Variants in RASA2 observed in about 807,000 individuals in gnomAD.
RASA2 encodes ras GTPase-activating protein 2.
Under a neutral mutation model 118.2 loss-of-function variants are expected in RASA2, and 155 were observed. The observed-to-expected ratio is 1.31, with a 90% CI of 1.15 to 1.50. The LOEUF (loss-of-function observed/expected upper bound fraction) is 1.50. Among genes scored for constraint, RASA2 ranks in the 40% most tolerant of loss-of-function variants. RASA2 has a pLI of 0.00. For synonymous variants in RASA2, 353 were observed against 349.1 expected, an observed-to-expected ratio of 1.01 and a Z score of -0.12; for missense variants, 1,016 against 1,009.6, an observed-to-expected ratio of 1.01 and a Z score of -0.09.
intron 1 of RASA2, among the ~76,000 whole-genome samples, chr3:141,491,867 T>C (rs2081643621): frequency 1.3e-5 from 2 of 152,254 alleles, no homozygotes; most frequent in Admixed American, 1.3e-4. Flanking sequence ...ACATGACAGG[T>C]TTGAATAAAA....
chr3:141,609,845 T>C, intron 22 of RASA2, 32 bp from the exon 23 acceptor site: 2 of 1,496,142 alleles, frequency 1.3e-6, no homozygotes, highest in Non-Finnish European at 1.8e-6. Flanking sequence ...TTTAGTTGTC[T>C]GATCAGAGAT....
chr3:141,554,671 A>C (rs147255830), intron 6 of RASA2, among the ~76,000 whole-genome samples: 1 of 152,236 alleles, frequency 6.6e-6, no homozygotes, highest in Non-Finnish European at 1.5e-5. Context: ...CCCCATCCCC[A>C]GAATCTCTAG....
intron 19 of RASA2, among the ~76,000 whole-genome samples, chr3:141,589,725 C>T (rs916214324): frequency 6.6e-6 from 1 of 151,962 alleles, no homozygotes; most frequent in African/African-American, 2.4e-5. Flanking sequence ...TCTGTAGTCC[C>T]AGCTACTTGG....
At chr3:141,545,620 G>T (rs953883800) in intron 5 of RASA2, among the ~76,000 whole-genome samples, 3 of 151,620 alleles carry the variant, frequency 2.0e-5, no homozygotes, top group African/African-American at 7.3e-5. Flanking sequence ...GCTAATTTTT[G>T]TATTTTTAGT....
rs1225162157 is a variant in RASA2 at position 141,614,368 on chromosome 3, G to C, written c.*2055G>C. Reference sequence around the variant, plus strand: ...GCACAGCCTAAAAAAGGAGTAATGTGAAATTAAATTATTTTTCTTTGAAAG... The same window carrying C: ...GCACAGCCTAAAAAAGGAGTAATGTCAAATTAAATTATTTTTCTTTGAAAG... On this transcript the variant is annotated 3_prime_UTR_variant, in exon 24 of 24. Transcript: ENST00000286364. 6.6e-6 allele frequency: 1 copy of C among 152,148 alleles called. No homozygotes were observed. Among genetic ancestry groups the C allele is most frequent in the Non-Finnish European group, 1.5e-5 (1 of 68,014 alleles). 9.4% of individuals were successfully genotyped at this position (152,148 alleles called of 1,614,324 possible). A position where few individuals can be genotyped will look rare whatever the true frequency, so the allele number is the denominator to read the frequency against.
intron 1 of RASA2, among the ~76,000 whole-genome samples, chr3:141,487,607 C>T (rs1283249881): frequency 6.6e-6 from 1 of 151,864 alleles, no homozygotes; most frequent in Non-Finnish European, 1.5e-5. Context: ...CTTCGCGCGG[C>T]TGCGGGCGCT....
Position 141,571,071 on chromosome 3 carries a change from A to G in RASA2, c.1020+3A>G, listed in dbSNP as rs1411175413. On this transcript the variant is annotated splice_donor_region_variant and intron_variant, in intron 10 of 23. Transcript: ENST00000286364. ...TGCTAAAATCACCAGATGTTCAAGTATGTTAAGAATCTTAAGGATATGATT... is the reference window on the plus strand; with the variant it reads ...TGCTAAAATCACCAGATGTTCAAGTGTGTTAAGAATCTTAAGGATATGATT... The G allele has an allele frequency of 1.3e-6, 2 of 1,593,304 alleles. No individual in the cohort carries two copies. The highest frequency in any genetic ancestry group is 1.4e-5 in the African/African-American group (1 of 73,486).
rs748529928 is a variant in RASA2 at position 141,609,993 on chromosome 3, A to G, written c.2446A>G (p.Ile816Val). The G allele has an allele frequency of 6.2e-7, 1 of 1,606,826 alleles. No individual in the cohort carries two copies. ...TAAGACAATTCAGCAAATAAAAAGC[A>G]TAATTGAGAAGCTGGATGAACCTCA... Reference protein sequence around the residue: ...TFKTIQQIKSIIEKLDEPHEK... With the variant: ...TFKTIQQIKSVIEKLDEPHEK... The change falls in exon 23 of 24, where the codon ATA becomes GTA. Residue 816 changes from isoleucine (I) to valine (V), a missense_variant. Ile to Val is a conservative substitution (Grantham distance 29). Coordinates refer to ENST00000286364, the MANE Select transcript of RASA2 (RefSeq NM_006506.5).
intron 19 of RASA2, among the ~76,000 whole-genome samples, chr3:141,606,111 G>A: frequency 6.6e-6 from 1 of 152,096 alleles, no homozygotes; most frequent in Middle Eastern, 3.2e-3. Context: ...GTATGTCTGA[G>A]TGCCCCCAAC....
chr3:141,536,582 GTTTA>G (rs1313433308), intron 4 of RASA2, among the ~76,000 whole-genome samples: 1 of 152,194 alleles, frequency 6.6e-6, no homozygotes, highest in Non-Finnish European at 1.5e-5. Context: ...CAAGAATTTG[GTTTA>G]TTTTTTATTA....
chr3:141,540,524 T>C lies in RASA2; in HGVS notation c.451-9T>C. 3 of 1,601,334 alleles carry C rather than the reference T, an allele frequency of 1.9e-6. No individual in the cohort carries two copies. The highest frequency in any genetic ancestry group is 2.6e-6 in the Non-Finnish European group (3 of 1,169,732). ...GACTACTCAGTTTGTAATCTTTTTG[T>C]CATTATAGGGTAAAGTTCACCTTGA... On this transcript the variant is annotated splice_polypyrimidine_tract_variant and intron_variant, in intron 4 of 23. Transcript: ENST00000286364.
At chr3:141,502,014 A>G (rs1361343640) in intron 1 of RASA2, among the ~76,000 whole-genome samples, 1 of 152,206 alleles carries the variant, frequency 6.6e-6, no homozygotes, top group African/African-American at 2.4e-5. Context: ...ATGCTCCAGG[A>G]TGCAAAACTG....
At position 141,613,389 on chromosome 3, in the gene RASA2, T is replaced by C. The variant is rs2083681452; in HGVS notation, c.*1076T>C. 1 of 152,240 alleles carries C rather than the reference T, an allele frequency of 6.6e-6. No homozygotes were observed. The highest frequency in any genetic ancestry group is 2.1e-4 in the South Asian group (1 of 4,830). The allele number at this position is 152,240 out of a possible 1,614,324, so 9.4% of individuals were successfully genotyped here. A position where few individuals can be genotyped will look rare whatever the true frequency, so the allele number is the denominator to read the frequency against. ...TCATTGCTGTTTCCTTATTGCCTGC[T>C]AGCCAAATGGAATTTGGGCAAGCAA... On this transcript the variant is annotated 3_prime_UTR_variant, in exon 24 of 24. Coordinates refer to ENST00000286364, the MANE Select transcript of RASA2 (RefSeq NM_006506.5).
At position 141,573,175 on chromosome 3, in the gene RASA2, T is replaced by C; in HGVS notation, c.1313T>C (p.Ile438Thr). ...TGTGACTCCTCAAAATCCTGTGAAA[T>C]CGATCCTATTAAATTGAAAGAGGGA... ...EICDSSKSCE[I>T]DPIKLKEGDN... Residue 438 changes from isoleucine (I) to threonine (T), a missense_variant, in exon 13 of 24, where the codon ATC becomes ACC. Ile to Thr is a moderately conservative substitution (Grantham distance 89, BLOSUM62 -1). Around this residue, in one of 2 missense-constraint regions of RASA2, gnomAD observed 896 missense variants for 836.4 expected, o/e 1.07. Coordinates refer to ENST00000286364, the MANE Select transcript of RASA2 (RefSeq NM_006506.5). 1 of 1,543,924 alleles carries C rather than the reference T, an allele frequency of 6.5e-7. No individual in the cohort carries two copies. The highest frequency in any genetic ancestry group is 8.7e-7 in the Non-Finnish European group (1 of 1,155,268).
intron 8 of RASA2, 135 bp from the exon 9 acceptor site, chr3:141,559,759 A>G (rs2082702836): frequency 1.5e-6 from 1 of 670,602 alleles, no homozygotes; most frequent in Non-Finnish European, 2.6e-6. Flanking sequence ...TGAGGTATGT[A>G]TATGGTGTTG....
intron 17 of RASA2, 57 bp downstream of exon 17, chr3:141,581,234 A>G: frequency 8.7e-7 from 1 of 1,146,268 alleles, no homozygotes; most frequent in Non-Finnish European, 1.2e-6. Flanking sequence ...ATGGGGAAAT[A>G]ACATTTTATA....
intron 21 of RASA2, 34 bp from the exon 22 acceptor site, chr3:141,609,386 G>A (rs749325796): frequency 7.6e-7 from 1 of 1,322,640 alleles, no homozygotes; most frequent in Non-Finnish European, 1.0e-6. Context: ...AATAAAATTT[G>A]TATAATATCT....
intron 4 of RASA2, among the ~76,000 whole-genome samples, chr3:141,534,510 A>G (rs1560014459): frequency 6.6e-6 from 1 of 152,146 alleles, no homozygotes; most frequent in Non-Finnish European, 1.5e-5. Context: ...ATATGATGCA[A>G]TTACTTAGTT....
intron 5 of RASA2, among the ~76,000 whole-genome samples, chr3:141,549,463 G>A (rs891150212): frequency 1.4e-5 from 2 of 146,768 alleles, no homozygotes; most frequent in African/African-American, 2.5e-5. Flanking sequence ...AGTGGTAGGA[G>A]TGTGTATGAG....
Sources: gnomAD v4.1 joint callset for allele counts (sites outside exome capture counted in the v4.1 genomes callset) on GRCh38, gnomAD v4.1.1 for gene constraint, gnomAD v4.1.1 regional missense constraint, MANE v1.5 for transcripts, NCBI Gene and HGNC (gene_info 2026-07-23, HGNC 2026-07-21) for gene names.